NTSR1: variants seen among roughly 807,000 people sequenced by gnomAD.
The protein encoded by NTSR1 is neurotensin receptor 1.
NTSR1 carries 29 observed loss-of-function variants against 31.2 expected under a neutral mutation model. The ratio of observed to expected loss-of-function variants is 0.93; its 90% CI spans 0.69 to 1.27. The LOEUF (loss-of-function observed/expected upper bound fraction) is 1.27, where lower values mean the gene tolerates loss of function less well. Among genes scored for constraint, NTSR1 ranks in the 50% most tolerant of loss-of-function variants. The pLI is 0.00. For missense variants in NTSR1, 697 were observed against 595.4 expected (o/e 1.17, Z -1.78); for synonymous variants, 282 against 269.9 (o/e 1.04, Z -0.44).
intron 1 of NTSR1, among the ~76,000 whole-genome samples, chr20:62,746,921 G>A (rs1373702274): frequency 1.3e-5 from 2 of 152,210 alleles, no homozygotes; most frequent in Non-Finnish European, 2.9e-5. Flanking sequence ...ATCTTACAAG[G>A]TCAGCATTAC....
intron 1 of NTSR1, among the ~76,000 whole-genome samples, chr20:62,747,963 G>T (rs1233694103): frequency 6.6e-6 from 1 of 152,194 alleles, no homozygotes; most frequent in Admixed American, 6.5e-5. Flanking sequence ...ATCACCTGAG[G>T]TCAGGGGTTT....
At chr20:62,754,632 G>A in intron 1 of NTSR1, 53 bp from the exon 2 acceptor site, 10 of 1,452,746 alleles carry the variant, frequency 6.9e-6, no homozygotes, top group Non-Finnish European at 8.6e-6. Flanking sequence ...CCCAGCTGAG[G>A]GTGCATGAGT....
At chr20:62,736,989 C>T (rs1435500715) in intron 1 of NTSR1, among the ~76,000 whole-genome samples, 1 of 152,228 alleles carries the variant, frequency 6.6e-6, no homozygotes, top group Non-Finnish European at 1.5e-5. Flanking sequence ...GCCTGCTTCT[C>T]CCTCCACCAT....
At chr20:62,728,106 C>CACA (rs11472693) in intron 1 of NTSR1, among the ~76,000 whole-genome samples, 1 of 151,900 alleles carries the variant, frequency 6.6e-6, no homozygotes, top group East Asian at 1.9e-4. Context: ...AAGGACGAGC[C>CACA]TTGTGGATGA....
rs555675792 is a variant in NTSR1 at position 62,749,705 on chromosome 20, A to G, written c.715-4980A>G. On this transcript the variant is annotated intron_variant, in intron 1 of 3. Coordinates refer to ENST00000370501, the MANE Select transcript of NTSR1 (RefSeq NM_002531.3). ...GGTTTCTGAAAAGGTGCTCAACACC[A>G]CTAGTCATCAGGAAACTGCAAATCA... 3.9e-5 allele frequency among the ~76,000 whole-genome samples: 6 copies of G among 152,336 alleles called. 1 individual carries two copies. In the South Asian group the frequency reaches 1.2e-3, roughly 32 times the overall value.
chr20:62,733,060 C>T lies in NTSR1; in HGVS notation c.715-21625C>T, dbSNP rs1021074914. On this transcript the variant is annotated intron_variant, in intron 1 of 3. Coordinates refer to ENST00000370501, the MANE Select transcript of NTSR1 (RefSeq NM_002531.3). This position sits in a 1 kb window ranked among gnomAD's most constrained non-coding sequence, Gnocchi z 5.2. ...GTGGACTTGTCACATCACCCGCAGGCGTGGCCCTGAGGCCACGTATCCAAG... is the reference window on the plus strand; with the variant it reads ...GTGGACTTGTCACATCACCCGCAGGTGTGGCCCTGAGGCCACGTATCCAAG... The T allele has an allele frequency of 4.1e-5, 5 of 121,792 alleles. No homozygotes were observed. The highest frequency in any genetic ancestry group is 7.2e-5 in the African/African-American group (2 of 27,942). 7.5% of individuals were successfully genotyped at this position (121,792 alleles called of 1,614,324 possible). A position where few individuals can be genotyped will look rare whatever the true frequency, so the allele number is the denominator to read the frequency against.
chr20:62,728,268 G>GCT (rs1377494359), intron 1 of NTSR1, among the ~76,000 whole-genome samples: 2 of 152,126 alleles, frequency 1.3e-5, no homozygotes, highest in Non-Finnish European at 2.9e-5. Context: ...TGGGGTCGGT[G>GCT]CTCTCTCTTT....
intron 1 of NTSR1, among the ~76,000 whole-genome samples, chr20:62,724,961 G>A (rs1282858915): frequency 5.3e-5 from 8 of 152,172 alleles, no homozygotes; most frequent in African/African-American, 1.4e-4. Flanking sequence ...TGATCTCATC[G>A]CACAGTCCTC....
chr20:62,731,210 G>A (rs1247131673), intron 1 of NTSR1, among the ~76,000 whole-genome samples: 2 of 151,968 alleles, frequency 1.3e-5, no homozygotes, highest in South Asian at 2.1e-4. Context: ...TCAGCCTCCC[G>A]AGTAGCTGGG....
chr20:62,741,727 C>T lies in NTSR1; in HGVS notation c.715-12958C>T, dbSNP rs1178988576. Among the ~76,000 whole-genome samples, 3 of 149,786 alleles carry T rather than the reference C, an allele frequency of 2.0e-5. No individual in the cohort carries two copies. The highest frequency in any genetic ancestry group is 2.9e-5 in the Non-Finnish European group (2 of 68,016). ...GGGGCAGGCTCAGTCCCTGAGAGGT[C>T]GCCAAGGAGCCACAGCCTTGGACTA... On this transcript the variant is annotated intron_variant, in intron 1 of 3. Transcript: ENST00000370501. The surrounding 1 kb of genome is among the most constrained non-coding windows in gnomAD (Gnocchi z 4.3).
Position 62,760,506 on chromosome 20 carries a change from A to C in NTSR1, c.*239A>C, listed in dbSNP as rs1306586234. The C allele has an allele frequency of 2.1e-6, 1 of 466,056 alleles. No homozygotes were observed. The highest frequency in any genetic ancestry group is 3.8e-6 in the Non-Finnish European group (1 of 260,954). The allele number at this position is 466,056 out of a possible 1,614,324, so 28.9% of individuals were successfully genotyped here. ...CCATCTCCTCTTTGAAAGCCAGAAC[A>C]AGAGAGCGCTCCTCTCCCAGATAGG... On this transcript the variant is annotated 3_prime_UTR_variant, in exon 4 of 4. Transcript: ENST00000370501.
At chr20:62,719,963 A>T (rs895749413) in intron 1 of NTSR1, among the ~76,000 whole-genome samples, 12 of 152,316 alleles carry the variant, frequency 7.9e-5, no homozygotes, top group Middle Eastern at 3.4e-3. Context: ...CAGCAAAACC[A>T]TCCGGGCCTG....
chr20:62,737,966 G>GA (rs1989128633), intron 1 of NTSR1, among the ~76,000 whole-genome samples: 1 of 76,852 alleles, frequency 1.3e-5, no homozygotes, highest in African/African-American at 9.7e-5. Context: ...CCCTCCTCTG[G>GA]AAAATGGCCC....
intron 1 of NTSR1, among the ~76,000 whole-genome samples, chr20:62,721,156 T>C (rs1340263115): frequency 1.3e-5 from 2 of 152,210 alleles, no homozygotes; most frequent in African/African-American, 4.8e-5. Flanking sequence ...AGTGTTATAG[T>C]ATTTAATTCT....
chr20:62,709,715 A>G lies in NTSR1; in HGVS notation c.508A>G (p.Ile170Val). 6.2e-7 allele frequency: 1 copy of G among 1,612,810 alleles called. No homozygotes were observed. The highest frequency in any genetic ancestry group is 8.5e-7 in the Non-Finnish European group (1 of 1,179,868). The change falls in exon 1 of 4, where the codon ATC becomes GTC. Residue 170 changes from isoleucine to valine, a missense_variant. Coordinates refer to ENST00000370501, the MANE Select transcript of NTSR1 (RefSeq NM_002531.3). ...ASLSVERYLA[I>V]CHPFKAKTLM... ...CCTGAGTGTGGAGCGCTACCTGGCC[A>G]TCTGCCACCCCTTCAAGGCCAAGAC...
At position 62,758,626 on chromosome 20, in the gene NTSR1, AAGAG is replaced by A. The variant is rs1388598402; in HGVS notation, c.1007+274_1007+277del. Among the ~76,000 whole-genome samples the A allele has an allele frequency of 1.3e-5, 2 of 152,126 alleles. No homozygotes were observed. The highest frequency in any genetic ancestry group is 2.9e-5 in the Non-Finnish European group (2 of 68,014). Reference sequence around the variant, plus strand: ...GGCCCAGGCAGTTTCCCGAAGGTGAAAGAGAGACATCCCTGGCTCTGCTGGGGAC... The same window carrying A: ...GGCCCAGGCAGTTTCCCGAAGGTGAAAGACATCCCTGGCTCTGCTGGGGAC... On this transcript the variant is annotated intron_variant, in intron 3 of 3. Transcript: ENST00000370501. This position sits in a 1 kb window ranked among gnomAD's most constrained non-coding sequence, Gnocchi z 4.5.
At chr20:62,726,753 A>G (rs894561210) in intron 1 of NTSR1, among the ~76,000 whole-genome samples, 3 of 151,294 alleles carry the variant, frequency 2.0e-5, no homozygotes, top group Non-Finnish European at 2.9e-5. Context: ...TTCTCATTTT[A>G]CTAGGTGAGG....
intron 1 of NTSR1, among the ~76,000 whole-genome samples, chr20:62,750,256 G>C (rs1450789610): frequency 6.6e-6 from 1 of 152,196 alleles, no homozygotes; most frequent in East Asian, 1.9e-4. Flanking sequence ...AGCCAAACTC[G>C]TGAAGACAGA....
chr20:62,724,607 A>G (rs1240964698), intron 1 of NTSR1, among the ~76,000 whole-genome samples: 4 of 151,966 alleles, frequency 2.6e-5, no homozygotes, highest in African/African-American at 9.7e-5. Context: ...GACAGCTCCA[A>G]CCCCAAATAC....
Sources: gnomAD v4.1 joint callset for allele counts (sites outside exome capture counted in the v4.1 genomes callset) on GRCh38, gnomAD v4.1.1 for gene constraint, Gnocchi (gnomAD v3.1) non-coding constraint, MANE v1.5 for transcripts, NCBI Gene and HGNC (gene_info 2026-07-23, HGNC 2026-07-21) for gene names.